ETFA: variants seen among roughly 807,000 people sequenced by gnomAD.
ETFA encodes electron transfer flavoprotein subunit alpha.
In ETFA, 22 loss-of-function variants were observed where a neutral mutation model predicts 46.2. The observed-to-expected ratio is 0.48, with a 90% CI of 0.34 to 0.68. ETFA has a LOEUF of 0.68. ETFA is among the 30% of genes least tolerant of loss of function. The pLI, the probability that ETFA is intolerant of heterozygous loss-of-function variation, is 0.01. For synonymous variants in ETFA, 131 were observed against 139.9 expected (o/e 0.94, Z 0.45); for missense variants, 345 against 401.1 (o/e 0.86, Z 1.19).
chr15:76,290,627 C>T (rs1372014401), intron 4 of ETFA, among the ~76,000 whole-genome samples: 2 of 152,008 alleles, frequency 1.3e-5, no homozygotes, highest in Admixed American at 6.5e-5. Context: ...CGTCAGCCAC[C>T]GCACCCTGCC....
chr15:76,311,316 C>G, intron 1 of ETFA, 34 bp downstream of exon 1: 3 of 1,550,506 alleles, frequency 1.9e-6, no homozygotes, highest in Non-Finnish European at 2.6e-6. Context: ...GACGGGGGGC[C>G]GTCCCTGGGT....
At chr15:76,253,112 T>A (rs555595632) in intron 9 of ETFA, among the ~76,000 whole-genome samples, 1 of 152,220 alleles carries the variant, frequency 6.6e-6, no homozygotes, top group East Asian at 1.9e-4. Flanking sequence ...TTCGTAAGTC[T>A]GAAATCATTT....
At chr15:76,260,529 C>G (rs534736568) in intron 9 of ETFA, 2 of 1,472,824 alleles carry the variant, frequency 1.4e-6, no homozygotes, top group Non-Finnish European at 1.9e-6. Context: ...GACACACACA[C>G]GTACGATCAG....
At position 76,279,695 on chromosome 15, in the gene ETFA, C is replaced by T. The variant is rs752585792; in HGVS notation, c.733+4062G>A. ...CCAATAGTCAATCTTCAGTCCTCAC[C>T]GTCCTTGACCTGTTAGCAGTGTGTG... On this transcript the variant is annotated intron_variant, in intron 8 of 11. Transcript: ENST00000557943. Among the ~76,000 whole-genome samples the T allele has an allele frequency of 3.3e-5, 5 of 152,248 alleles. No homozygotes were observed. The South Asian group carries it at 8.3e-4, about 25-fold the overall frequency.
chr15:76,249,687 C>T (rs1242475461), intron 9 of ETFA, among the ~76,000 whole-genome samples: 4 of 151,792 alleles, frequency 2.6e-5, no homozygotes, highest in South Asian at 2.1e-4. Flanking sequence ...GTGATCCGCC[C>T]GCCTCGGCCT....
chr15:76,218,849 A>G (rs2038926211), intron 11 of ETFA, among the ~76,000 whole-genome samples: 1 of 152,204 alleles, frequency 6.6e-6, no homozygotes, highest in African/African-American at 2.4e-5. Context: ...ACTAAGGGAA[A>G]CAGAGAAGCT....
chr15:76,220,251 A>G (rs1254671997), intron 11 of ETFA, among the ~76,000 whole-genome samples: 1 of 152,084 alleles, frequency 6.6e-6, no homozygotes, highest in African/African-American at 2.4e-5. Context: ...ATTTTTTGGT[A>G]GAGATGGGGT....
Position 76,310,786 on chromosome 15 carries a change from G to A in ETFA, c.39+564C>T, listed in dbSNP as rs74026428. Among the ~76,000 whole-genome samples the A allele has an allele frequency of 2.4e-3, 371 of 152,272 alleles. 1 individual carries two copies. Among genetic ancestry groups the A allele is most frequent in the African/African-American group, 8.4e-3 (350 of 41,544 alleles). ...TTACAAATACAATCACCTAAATTCA[G>A]CCCTGCTCCATAAACCAGAAAGCAG... On this transcript the variant is annotated intron_variant, in intron 1 of 11. Coordinates refer to ENST00000557943, the MANE Select transcript of ETFA (RefSeq NM_000126.4).
chr15:76,244,504 T>C (rs907347291), intron 9 of ETFA, among the ~76,000 whole-genome samples: 1 of 152,198 alleles, frequency 6.6e-6, no homozygotes, highest in African/African-American at 2.4e-5. Context: ...AGTGCTTGTA[T>C]CTTTGGCCTT....
chr15:76,295,856 A>C, intron 1 of ETFA, 119 bp from the exon 2 acceptor site: 1 of 589,330 alleles, frequency 1.7e-6, no homozygotes, highest in South Asian at 2.6e-5. Context: ...ACACAATATT[A>C]TTCTATAAAT....
In ETFA at chr15:76,267,026, T is replaced by C. The variant is rs560171397; in HGVS notation, c.816+7386A>G. Among the ~76,000 whole-genome samples, 4 of 152,362 alleles carry C rather than the reference T, an allele frequency of 2.6e-5. No individual in the cohort carries two copies. In the East Asian group the frequency reaches 7.7e-4, roughly 29 times the overall value. On this transcript the variant is annotated intron_variant, in intron 9 of 11. Transcript: ENST00000557943. ...GCATGCCTACCTATACTATGTCTCA[T>C]CTCTTTTCTACTTTACAAGGTGATT...
In ETFA at chr15:76,310,835, G is replaced by A. The variant is rs546065708; in HGVS notation, c.39+515C>T. ...AGAACCAGCTTCCATAACTGGCCAC[G>A]CAGCCTCCCACCCCACCCCACCCCC... On this transcript the variant is annotated intron_variant, in intron 1 of 11. Transcript: ENST00000557943. Among the ~76,000 whole-genome samples the A allele has an allele frequency of 2.3e-3, 351 of 152,020 alleles. 1 individual carries two copies. Among genetic ancestry groups the A allele is most frequent in the African/African-American group, 8.1e-3 (335 of 41,308 alleles).
chr15:76,309,015 A>G (rs1480738148), intron 1 of ETFA, among the ~76,000 whole-genome samples: 13 of 152,240 alleles, frequency 8.5e-5, no homozygotes, highest in African/African-American at 2.7e-4. Flanking sequence ...CAACTTTTCT[A>G]TAAGTGCAAC....
chr15:76,260,607 C>G (rs1252149561), intron 9 of ETFA: 6 of 1,514,934 alleles, frequency 4.0e-6, no homozygotes, highest in African/African-American at 1.4e-5. Context: ...ATCCTGGGTT[C>G]CATTGTCTTA....
At chr15:76,258,170 T>TAAATA (rs35599701) in intron 9 of ETFA, among the ~76,000 whole-genome samples, 2 of 150,998 alleles carry the variant, frequency 1.3e-5, no homozygotes, top group African/African-American at 2.5e-5. Flanking sequence ...TAAAGTATAA[T>TAAATA]AATAAATAAA....
At chr15:76,267,050 T>C (rs932420054) in intron 9 of ETFA, among the ~76,000 whole-genome samples, 21 of 152,240 alleles carry the variant, frequency 1.4e-4, no homozygotes, top group Non-Finnish European at 1.5e-5. Flanking sequence ...TACAAGGTGA[T>C]TCTAACCTTA....
chr15:76,216,839 C>CCT (rs1388158885), intron 11 of ETFA, among the ~76,000 whole-genome samples: 2 of 82,346 alleles, frequency 2.4e-5, no homozygotes, highest in Non-Finnish European at 5.1e-5. Flanking sequence ...GTGCCTTTTG[C>CCT]CTTTTTTTTT....
At chr15:76,259,792 G>T (rs568116860) in intron 9 of ETFA, 2 of 1,602,896 alleles carry the variant, frequency 1.2e-6, no homozygotes, top group Non-Finnish European at 1.7e-6. Context: ...ACTCCATGCT[G>T]CAGGCAATGT....
chr15:76,261,435 G>T, intron 9 of ETFA: 2 of 1,116,442 alleles, frequency 1.8e-6, no homozygotes, highest in South Asian at 1.4e-5. Flanking sequence ...TGACTGGGAT[G>T]AACCAGTTCT....
Sources: allele counts gnomAD v4.1 joint callset (sites outside exome capture counted in the v4.1 genomes callset), GRCh38; gene constraint gnomAD v4.1.1; transcripts MANE v1.5; gene names NCBI Gene and HGNC (gene_info 2026-07-23, HGNC 2026-07-21).